The following CFAP61 variants were observed in gnomAD, a reference collection of about 807,000 sequenced individuals.
CFAP61 encodes cilia- and flagella-associated protein 61.
In CFAP61, 107 loss-of-function variants were observed where a neutral mutation model predicts 135.6. That is an observed-to-expected ratio of 0.79 (90% confidence interval 0.67 to 0.93). CFAP61 has a LOEUF of 0.93. CFAP61 is among the 40% of genes least tolerant of loss of function. CFAP61 has a pLI of 0.00. For synonymous variants in CFAP61, 575 were observed against 578.5 expected (o/e 0.99, Z 0.09); for missense variants, 1,507 against 1,556.2 (o/e 0.97, Z 0.53).
chr20:20,107,619 TA>T (rs796883824), intron 8 of CFAP61: 5 of 149,084 alleles, frequency 3.4e-5, no homozygotes, highest in South Asian at 2.1e-4. Flanking sequence ...GAAAAATACT[TA>T]AAAAAATTTT....
intron 26 of CFAP61, among the ~76,000 whole-genome samples, chr20:20,355,804 A>G (rs1227301861): frequency 5.1e-5 from 6 of 117,654 alleles, no homozygotes; most frequent in East Asian, 2.8e-4. Context: ...GAGGGGAGGT[A>G]GTGACACTGT....
chr20:20,165,216 C>T (rs1165742726), intron 11 of CFAP61, among the ~76,000 whole-genome samples: 7 of 152,134 alleles, frequency 4.6e-5, no homozygotes, highest in Admixed American at 2.0e-4. Context: ...AAGGACTTGC[C>T]GGGATGGGCC....
chr20:20,204,987 C>T (rs1437560561), intron 17 of CFAP61, among the ~76,000 whole-genome samples: 3 of 152,054 alleles, frequency 2.0e-5, no homozygotes, highest in Non-Finnish European at 4.4e-5. Flanking sequence ...ACATAAGTTC[C>T]TTTATGGGCT....
chr20:20,164,833 G>A (rs530144864), intron 11 of CFAP61, among the ~76,000 whole-genome samples: 2 of 152,290 alleles, frequency 1.3e-5, no homozygotes, highest in African/African-American at 4.8e-5. Flanking sequence ...ACAGTTCCAC[G>A]TGGCTGGGGA....
At chr20:20,063,372 A>C (rs1295534528) in intron 2 of CFAP61, among the ~76,000 whole-genome samples, 2 of 152,244 alleles carry the variant, frequency 1.3e-5, no homozygotes, top group Admixed American at 1.3e-4. Context: ...AATTCAAAAA[A>C]AAATTGGAAA....
chr20:20,161,206 TC>T (rs1333066447), intron 10 of CFAP61, among the ~76,000 whole-genome samples: 2 of 151,954 alleles, frequency 1.3e-5, no homozygotes, highest in African/African-American at 4.8e-5. Flanking sequence ...TCTCTAATAT[TC>T]CTAAGAGGGT....
intron 13 of CFAP61, chr20:20,184,713 G>A (rs1215061465): frequency 1.3e-5 from 2 of 152,252 alleles, no homozygotes; most frequent in African/African-American, 4.8e-5. Context: ...AACTTCTGAT[G>A]AGGCAGGAAC....
At chr20:20,177,674 C>A (rs969618651) in intron 13 of CFAP61, among the ~76,000 whole-genome samples, 1 of 150,342 alleles carries the variant, frequency 6.7e-6, no homozygotes, top group African/African-American at 2.5e-5. Flanking sequence ...CTTGCCCTCA[C>A]GGGGGGCCTG....
intron 7 of CFAP61, among the ~76,000 whole-genome samples, chr20:20,093,618 A>G (rs1398419179): frequency 6.6e-6 from 1 of 151,740 alleles, no homozygotes; most frequent in Non-Finnish European, 1.5e-5. Flanking sequence ...TATTTTTAGT[A>G]GAGATGGGGT....
chr20:20,242,571 C>CAA (rs1316265437), intron 18 of CFAP61, among the ~76,000 whole-genome samples: 4 of 152,220 alleles, frequency 2.6e-5, no homozygotes, highest in Admixed American at 2.6e-4. Context: ...GCTTTGTAAC[C>CAA]TTGAACAAAT....
Position 20,269,186 on chromosome 20 carries a change from C to CATATAT in CFAP61, c.2503+6057_2503+6058insTATATA, listed in dbSNP as rs1569219606. ...ACACATACATATATGTATATACACA[C>CATATAT]ACATATATACATATATGTATATATA... On this transcript the variant is annotated intron_variant, in intron 21 of 26. Coordinates refer to ENST00000245957, the MANE Select transcript of CFAP61 (RefSeq NM_015585.4). Among the ~76,000 whole-genome samples, 221 of 90,792 alleles carry CATATAT rather than the reference C, an allele frequency of 2.4e-3. 5 individuals carry two copies. Among genetic ancestry groups the CATATAT allele is most frequent in the African/African-American group, 7.7e-3 (214 of 27,766 alleles). 59.6% of individuals were successfully genotyped at this position (90,792 alleles called of 152,430 possible).
intron 6 of CFAP61, among the ~76,000 whole-genome samples, chr20:20,080,338 T>G (rs1012868339): frequency 1.6e-4 from 24 of 152,178 alleles, no homozygotes; most frequent in African/African-American, 5.8e-4. Context: ...TCAATTTCTT[T>G]CTTTTCTGAT....
intron 19 of CFAP61, 151 bp downstream of exon 19, chr20:20,246,366 T>C (rs1041445566): frequency 2.1e-5 from 14 of 665,386 alleles, no homozygotes; most frequent in Non-Finnish European, 3.2e-5. Flanking sequence ...GAGATACAAG[T>C]ACCAGTGTGT....
chr20:20,128,124 GAA>G, intron 8 of CFAP61, among the ~76,000 whole-genome samples: 1 of 151,888 alleles, frequency 6.6e-6, no homozygotes, highest in Non-Finnish European at 1.5e-5. Context: ...AGCTGAGAAA[GAA>G]AAGGGCTTGG....
intron 25 of CFAP61, among the ~76,000 whole-genome samples, chr20:20,333,614 G>A (rs558022704): frequency 2.6e-5 from 4 of 152,278 alleles, no homozygotes; most frequent in African/African-American, 7.2e-5. Flanking sequence ...GTTAGCACTG[G>A]CTAGATTCGT....
At chr20:20,096,095 A>G (rs1243834347) in intron 7 of CFAP61, among the ~76,000 whole-genome samples, 1 of 152,210 alleles carries the variant, frequency 6.6e-6, no homozygotes, top group Non-Finnish European at 1.5e-5. Flanking sequence ...CACCAGGAAG[A>G]TAGATAACAG....
chr20:20,134,077 A>G (rs536431042), intron 8 of CFAP61, among the ~76,000 whole-genome samples: 10 of 152,356 alleles, frequency 6.6e-5, no homozygotes, highest in African/African-American at 2.4e-4. Context: ...CAAGATAAAC[A>G]TGCAAGACAA....
At chr20:20,056,131 A>G (rs369145594) in intron 1 of CFAP61, 1 of 709,372 alleles carries the variant, frequency 1.4e-6, no homozygotes, top group Non-Finnish European at 2.4e-6. Flanking sequence ...CAGGAAGCCT[A>G]TTGCGAGCAT....
chr20:20,188,155 A>G, intron 14 of CFAP61, 99 bp downstream of exon 14: 5 of 1,280,960 alleles, frequency 3.9e-6, no homozygotes, highest in Non-Finnish European at 5.6e-6. Flanking sequence ...TTGGAAAATC[A>G]TATGGCAGGG....
Sources: gnomAD v4.1 joint callset for allele counts (sites outside exome capture counted in the v4.1 genomes callset) on GRCh38, gnomAD v4.1.1 for gene constraint, MANE v1.5 for transcripts, NCBI Gene and HGNC (gene_info 2026-07-23, HGNC 2026-07-21) for gene names.